PRR16: variants seen among roughly 807,000 people sequenced by gnomAD.
The protein encoded by PRR16 is protein Largen.
In PRR16, 6 loss-of-function variants were observed where a neutral mutation model predicts 18.2. That is an observed-to-expected ratio of 0.33 (90% CI 0.18 to 0.65). The LOEUF is 0.65. Ranked by LOEUF, PRR16 falls within the 30% of genes least tolerant of loss-of-function variation. The probability of loss-of-function intolerance (pLI) is 0.74; values close to 1 mark genes in which losing one functional copy is unlikely to be tolerated. For synonymous variants in PRR16, 151 were observed against 147.8 expected, an observed-to-expected ratio of 1.02 and a Z score of -0.16; for missense variants, 412 against 376.6, an observed-to-expected ratio of 1.09 and a Z score of -0.78.
chr5:120,665,736 T>C (rs1267795601), intron 1 of PRR16, among the ~76,000 whole-genome samples: 1 of 152,212 alleles, frequency 6.6e-6, no homozygotes, highest in Non-Finnish European at 1.5e-5. Context: ...ATTTCCTGTT[T>C]TTGTCAGGTT....
intron 1 of PRR16, among the ~76,000 whole-genome samples, chr5:120,675,230 A>T (rs556265051): frequency 6.6e-6 from 1 of 152,166 alleles, no homozygotes; most frequent in South Asian, 2.1e-4. Context: ...GACTTTCCCA[A>T]TGAAAAAAAT....
In PRR16 at chr5:120,656,550, A is replaced by G. The variant is rs139700568; in HGVS notation, c.160-29404A>G. Among the ~76,000 whole-genome samples the G allele has an allele frequency of 1.1e-4, 16 of 152,026 alleles. 1 individual carries two copies. Among genetic ancestry groups the G allele is most frequent in the Middle Eastern group, 6.8e-3 (2 of 294 alleles). On this transcript the variant is annotated intron_variant, in intron 1 of 1. Coordinates refer to ENST00000407149, the MANE Select transcript of PRR16 (RefSeq NM_001300783.2). ...AAAAATCGTTATAAGTATGATGCCA[A>G]TATCTAAAATCCAGTATAATTAGTT...
chr5:120,514,711 A>T (rs759085819), intron 1 of PRR16, among the ~76,000 whole-genome samples: 1 of 152,192 alleles, frequency 6.6e-6, no homozygotes, highest in Admixed American at 6.5e-5. Context: ...CCACATTTCT[A>T]TCCAAGACCT....
At chr5:120,707,010 C>T in the PRR16 span, among the ~76,000 whole-genome samples, 1 of 152,192 alleles carries the variant, frequency 6.6e-6, no homozygotes, top group South Asian at 2.1e-4. Flanking sequence ...AGGAATGGTT[C>T]CCAGATTGAG....
At chr5:120,492,313 G>A (rs1173510038) in intron 1 of PRR16, among the ~76,000 whole-genome samples, 1 of 149,348 alleles carries the variant, frequency 6.7e-6, no homozygotes, top group Admixed American at 6.7e-5. Flanking sequence ...GAGACACAAG[G>A]TCTCCTTATT....
chr5:120,530,254 AATATATATATATAT>A (rs3047950), intron 1 of PRR16, among the ~76,000 whole-genome samples: 5 of 106,732 alleles, frequency 4.7e-5, no homozygotes, highest in African/African-American at 2.1e-4. Context: ...AGTGTGTGTA[AATATATATATATAT>A]ATATATATAT....
At chr5:120,565,827 A>G (rs1281147269) in intron 1 of PRR16, among the ~76,000 whole-genome samples, 3 of 152,220 alleles carry the variant, frequency 2.0e-5, no homozygotes, top group Non-Finnish European at 2.9e-5. Context: ...TGGACTTACT[A>G]TAATTGCAAT....
At chr5:120,573,780 G>A (rs1050129953) in intron 1 of PRR16, among the ~76,000 whole-genome samples, 17 of 152,118 alleles carry the variant, frequency 1.1e-4, no homozygotes, top group South Asian at 6.2e-4. Context: ...AATAAATAAC[G>A]CCATGTCAAT....
At chr5:120,769,618 A>G in the PRR16 span, among the ~76,000 whole-genome samples, 1 of 151,812 alleles carries the variant, frequency 6.6e-6, no homozygotes, top group Admixed American at 6.6e-5. Flanking sequence ...CTGTCAGTAG[A>G]TGTTGAGCTG....
intron 1 of PRR16, among the ~76,000 whole-genome samples, chr5:120,481,882 G>C (rs1185346845): frequency 6.6e-6 from 1 of 152,114 alleles, no homozygotes; most frequent in East Asian, 1.9e-4. Context: ...AGAGAACCAA[G>C]AAGTATCTAA....
chr5:120,532,355 TA>T (rs1751578732), intron 1 of PRR16, among the ~76,000 whole-genome samples: 1 of 152,120 alleles, frequency 6.6e-6, no homozygotes, highest in Non-Finnish European at 1.5e-5. Flanking sequence ...ATTTACATAG[TA>T]GTCTTTAAAA....
chr5:120,595,424 A>C (rs1343555896), intron 1 of PRR16, among the ~76,000 whole-genome samples: 1 of 96,090 alleles, frequency 1.0e-5, no homozygotes, highest in Non-Finnish European at 2.2e-5. Flanking sequence ...AAGGGCTATT[A>C]TCAAAAAGTC....
intron 1 of PRR16, among the ~76,000 whole-genome samples, chr5:120,513,336 A>G (rs919524981): frequency 2.0e-5 from 3 of 152,116 alleles, no homozygotes; most frequent in African/African-American, 4.8e-5. Flanking sequence ...GCCTGCCTCA[A>G]TTCCTCTGTT....
chr5:120,626,699 A>G (rs1178694706), intron 1 of PRR16, among the ~76,000 whole-genome samples: 1 of 152,174 alleles, frequency 6.6e-6, no homozygotes, highest in Non-Finnish European at 1.5e-5. Context: ...AGCATAAAGC[A>G]GACTCGAAGT....
the PRR16 span, among the ~76,000 whole-genome samples, chr5:120,751,114 A>G: frequency 6.6e-6 from 1 of 152,032 alleles, no homozygotes; most frequent in Non-Finnish European, 1.5e-5. Flanking sequence ...AAATGATGAG[A>G]GTTCATTAAT....
chr5:120,640,258 C>A (rs1035541550), intron 1 of PRR16, among the ~76,000 whole-genome samples: 1 of 151,506 alleles, frequency 6.6e-6, no homozygotes, highest in African/African-American at 2.4e-5. Context: ...CACAATTTAC[C>A]CATTTAACAA....
At position 120,577,537 on chromosome 5, in the gene PRR16, A is replaced by G. The variant is rs190123428; in HGVS notation, c.160-108417A>G. On this transcript the variant is annotated intron_variant, in intron 1 of 1. Coordinates refer to ENST00000407149, the MANE Select transcript of PRR16 (RefSeq NM_001300783.2). ...GGACACCTTCCTGATATTTTCAGGG[A>G]ACACCATTTCACAAACACTACCTCT... Among the ~76,000 whole-genome samples, 1,475 of 152,096 alleles carry G rather than the reference A, an allele frequency of 9.7e-3. 7 individuals are homozygous for G. Among genetic ancestry groups the G allele is most frequent in the Non-Finnish European group, 0.014 (956 of 67,974 alleles).
At chr5:120,569,474 G>A (rs1380163511) in intron 1 of PRR16, among the ~76,000 whole-genome samples, 2 of 152,082 alleles carry the variant, frequency 1.3e-5, no homozygotes, top group African/African-American at 2.4e-5. Flanking sequence ...CATGTAATAC[G>A]CACAGATGCA....
chr5:120,694,650 A>T, the PRR16 span, among the ~76,000 whole-genome samples: 3 of 149,384 alleles, frequency 2.0e-5, no homozygotes, highest in African/African-American at 7.4e-5. Context: ...GCGCCACTGC[A>T]CTCCAGCCTG....
Sources: allele counts gnomAD v4.1 joint callset (sites outside exome capture counted in the v4.1 genomes callset), GRCh38; gene constraint gnomAD v4.1.1; transcripts MANE v1.5; gene names NCBI Gene and HGNC (gene_info 2026-07-23, HGNC 2026-07-21).